DUOX2: variants seen among roughly 807,000 people sequenced by gnomAD.
The protein encoded by DUOX2 is dual oxidase 2.
Under a neutral mutation model 183.3 loss-of-function variants are expected in DUOX2, and 185 were observed. The ratio of observed to expected loss-of-function variants is 1.01; its 90% CI spans 0.90 to 1.14. The LOEUF is 1.14. Among genes scored for constraint, DUOX2 ranks in the 50% most tolerant of loss-of-function variants. The pLI is 0.00. For missense variants in DUOX2, 1,999 were observed against 2,022.9 expected (o/e 0.99, Z 0.23); for synonymous variants, 788 against 812.4 (o/e 0.97, Z 0.51).
At position 45,111,532 on chromosome 15, in the gene DUOX2, G is replaced by A. The variant is rs2467829; in HGVS notation, c.567C>T (p.His189=). ...LDGSAIYGSS[H]SWSDALRSFS... ...AGCTCCGCAGCGCGTCGCTCCAGGAGTGCGAGGAGCCATAGATGGCGCTGC... is the reference window on the plus strand; with the variant it reads ...AGCTCCGCAGCGCGTCGCTCCAGGAATGCGAGGAGCCATAGATGGCGCTGC... The change falls in exon 6 of 34, where the codon CAC becomes CAT. Residue 189 remains histidine, a synonymous_variant. Coordinates refer to ENST00000389039, the MANE Select transcript of DUOX2 (RefSeq NM_001363711.2). 7.6e-4 allele frequency: 1,170 copies of A among 1,548,166 alleles called. 3 individuals are homozygous for A. In the East Asian group the frequency reaches 7.9e-3, roughly 10 times the overall value.
rs1894435866 is a variant in DUOX2, at chr15:45,111,934, A to G, written c.347T>C (p.Val116Ala). ...VFFGYHVLSD[V>A]VSVETPGCPA... is the part of the protein sequence containing the mutation. ...GCAACCGGGCGTTTCCACGCTCACC[A>G]CGTCGGAAAGAACATGGTAGCCTGC... The change falls in exon 5 of 34, where the codon GTG (valine) becomes GCG (alanine). Residue 116 changes from valine to alanine, a missense_variant. Physicochemically the swap from Val to Ala is moderately conservative, Grantham distance 64. Transcript: ENST00000389039. The G allele has an allele frequency of 3.7e-6, 6 of 1,613,612 alleles. No homozygotes were observed. Among genetic ancestry groups the G allele is most frequent in the Non-Finnish European group, 5.1e-6 (6 of 1,179,984 alleles).
At chr15:45,097,428 C>T (rs374409729) in intron 28 of DUOX2, 37 bp from the exon 29 acceptor site, 256 of 1,614,034 alleles carry the variant, frequency 1.6e-4, no homozygotes, top group Non-Finnish European at 1.5e-4. Context: ...TCAGGCCCAG[C>T]CAGGCCCCTG....
intron 7 of DUOX2, among the ~76,000 whole-genome samples, 173 bp from the exon 8 acceptor site, chr15:45,110,883 T>G (rs1174295288): frequency 2.0e-5 from 3 of 151,220 alleles, no homozygotes; most frequent in African/African-American, 7.3e-5. Flanking sequence ...ACCAGGGGAT[T>G]TGAGGGAGTG....
chr15:45,109,552 C>T lies in DUOX2; in HGVS notation c.1206G>A (p.Glu402=), dbSNP rs1238081035. ...TCAGATCTTCAACCACTATGTTGTCCTCCAACTCCGAAATCTGGGAGGCCA... is the reference window on the plus strand; with the variant it reads ...TCAGATCTTCAACCACTATGTTGTCTTCCAACTCCGAAATCTGGGAGGCCA... The part of the protein sequence containing the change: ...LGMASQISEL[E]DNIVVEDLRD... The change falls in exon 11 of 34, where the codon GAG becomes GAA. Residue 402 remains glutamate, a synonymous_variant. Coordinates refer to ENST00000389039, the MANE Select transcript of DUOX2 (RefSeq NM_001363711.2). The T allele has an allele frequency of 1.1e-5, 17 of 1,614,030 alleles. No individual in the cohort carries two copies. Among genetic ancestry groups the T allele is most frequent in the Non-Finnish European group, 1.2e-5 (14 of 1,180,028 alleles).
In DUOX2 at chr15:45,112,427, G is replaced by A. The variant is rs973143225; in HGVS notation, c.325+127C>T. The A allele has an allele frequency of 4.2e-6, 5 of 1,181,696 alleles. No homozygotes were observed. The Admixed American group carries it at 1.1e-4, about 26-fold the overall frequency. The allele number at this position is 1,181,696 out of a possible 1,614,324, so 73.2% of individuals were successfully genotyped here. A position where few individuals can be genotyped will look rare whatever the true frequency, so the allele number is the denominator to read the frequency against. ...TCCGAGATGAAGGCAGTCTCGAAGTGCTGCGTAGAGAGGAAGTGGTTGGGA... is the reference window on the plus strand; with the variant it reads ...TCCGAGATGAAGGCAGTCTCGAAGTACTGCGTAGAGAGGAAGTGGTTGGGA... On this transcript the variant is annotated intron_variant, in intron 4 of 33. Transcript: ENST00000389039.
rs374103492 is a variant in DUOX2, at chr15:45,097,640, G to C, written c.3667C>G (p.His1223Asp). 132 of 1,613,904 alleles carry C rather than the reference G, an allele frequency of 8.2e-5. 1 individual carries two copies. Among genetic ancestry groups the C allele is most frequent in the Admixed American group, 2.0e-4 (12 of 60,006 alleles). ...AGGGCATAGAGCAGGATGTAGAGGT[G>C]GTGGGTCAGCCAGAAGCCCCGGAAG... ...RSFRGFWLTH[H>D]LYILLYALLI... Residue 1223 changes from histidine to aspartate, a missense_variant, in exon 28 of 34, where the codon CAC becomes GAC. This residue lies in a region of DUOX2 where 1,628 missense variants were observed against 1,608.6 expected (regional missense o/e 1.01). Coordinates refer to ENST00000389039, the MANE Select transcript of DUOX2 (RefSeq NM_001363711.2).
rs1893954780 is a variant in DUOX2 at position 45,098,060 on chromosome 15, T to C, written c.3516-2A>G. ...TAGAACTTCTGGGGAAGCTTGGACCTGGGGGGCAAAGGCACCTTGAGCCTC... is the reference window on the plus strand; with the variant it reads ...TAGAACTTCTGGGGAAGCTTGGACCCGGGGGGCAAAGGCACCTTGAGCCTC... On this transcript the variant is annotated splice_acceptor_variant, in intron 26 of 33. Transcript: ENST00000389039. LOFTEE classifies it high-confidence loss of function. 6.2e-7 allele frequency: 1 copy of C among 1,614,064 alleles called. No homozygotes were observed. Among genetic ancestry groups the C allele is most frequent in the Non-Finnish European group, 8.5e-7 (1 of 1,179,952 alleles).
chr15:45,105,965 C>A, intron 17 of DUOX2, 137 bp from the exon 18 acceptor site: 1 of 1,382,210 alleles, frequency 7.2e-7, no homozygotes, highest in South Asian at 1.2e-5. Context: ...GGTGTGTGGA[C>A]GAAGGGGGTC....
intron 32 of DUOX2, 90 bp downstream of exon 32, chr15:45,094,846 G>A: frequency 6.3e-7 from 1 of 1,599,206 alleles, no homozygotes; most frequent in Non-Finnish European, 8.6e-7. Context: ...AGCTCAGCCT[G>A]GCCGTCCACC....
chr15:45,108,697 G>T, intron 12 of DUOX2, 92 bp downstream of exon 12: 1 of 1,344,396 alleles, frequency 7.4e-7, no homozygotes, highest in Non-Finnish European at 1.1e-6. Context: ...ATATTATTAT[G>T]TAGATTAAAT....
At position 45,109,526 on chromosome 15, in the gene DUOX2, C is replaced by T. The variant is rs764353021; in HGVS notation, c.1232G>A (p.Arg411Lys). Residue 411 changes from arginine to lysine, a missense_variant and splice_region_variant, in exon 11 of 34, where the codon AGG becomes AAG. This residue lies in a region of DUOX2 where 1,628 missense variants were observed against 1,608.6 expected (regional missense o/e 1.01). Transcript: ENST00000389039. ...ACCCCTTCTGGCTCTGAGCTCACCC[C>T]TCAGATCTTCAACCACTATGTTGTC... ...LEDNIVVEDLRDYWPGPGKFS... is the reference protein window; with the variant it reads ...LEDNIVVEDLKDYWPGPGKFS... 28 of 1,613,988 alleles carry T rather than the reference C, an allele frequency of 1.7e-5. No individual in the cohort carries two copies. In the East Asian group the frequency reaches 6.0e-4, roughly 35 times the overall value.
intron 26 of DUOX2, among the ~76,000 whole-genome samples, chr15:45,098,390 A>T (rs1021513436): frequency 6.6e-6 from 1 of 152,174 alleles, no homozygotes; most frequent in East Asian, 1.9e-4. Context: ...AGAACAATAC[A>T]AGGCACACAG....
At chr15:45,107,110 G>T in intron 14 of DUOX2, 141 bp from the exon 15 acceptor site, 1 of 1,337,486 alleles carries the variant, frequency 7.5e-7, no homozygotes, top group Admixed American at 2.0e-5. Context: ...CCCTCAAAAA[G>T]TCCCCATTCA....
At chr15:45,100,920 T>C in intron 22 of DUOX2, 82 bp from the exon 23 acceptor site, 2 of 975,152 alleles carry the variant, frequency 2.1e-6, no homozygotes, top group South Asian at 2.7e-5. Flanking sequence ...GGGGTAGAGG[T>C]AGGGAGTGGC....
At chr15:45,099,349 A>G (rs753186902) in intron 26 of DUOX2, 34 bp downstream of exon 26, 130 of 1,591,884 alleles carry the variant, frequency 8.2e-5, no homozygotes, top group East Asian at 3.3e-4. Context: ...GGCCCACCCT[A>G]TGAGTCCCAG....
chr15:45,100,369 G>A, intron 23 of DUOX2, 141 bp from the exon 24 acceptor site: 2 of 746,582 alleles, frequency 2.7e-6, no homozygotes, highest in Non-Finnish European at 4.3e-6. Flanking sequence ...CAATCTGGGG[G>A]CTTCTTCCTC....
At chr15:45,113,506 A>G in intron 1 of DUOX2, 81 bp from the exon 2 acceptor site, 1 of 1,081,206 alleles carries the variant, frequency 9.2e-7, no homozygotes, top group South Asian at 1.3e-5. Flanking sequence ...TCTTGTTCCT[A>G]CAGCTAGTAC....
In DUOX2 at chr15:45,096,069, C is replaced by T. The variant is rs1040889567; in HGVS notation, c.3848-9G>A. On this transcript the variant is annotated splice_polypyrimidine_tract_variant and intron_variant, in intron 29 of 33. Coordinates refer to ENST00000389039, the MANE Select transcript of DUOX2 (RefSeq NM_001363711.2). ...TTGCAGGTAGGTCACTCCTGGAGGT[C>T]ATAGACAGGGAAAAGCACAGATGAG... 2 of 1,611,914 alleles carry T rather than the reference C, an allele frequency of 1.2e-6. No individual in the cohort carries two copies.
chr15:45,113,335 T>A lies in DUOX2; in HGVS notation c.70+7A>T. ...ACACCCCGCCGCTAGAGGAGCCTGA[T>A]ACTTGCCCGATGGACCCAGGGATCC... is the stretch of plus-strand genomic sequence containing the variant. On this transcript the variant is annotated splice_region_variant and intron_variant, in intron 2 of 33. Coordinates refer to ENST00000389039, the MANE Select transcript of DUOX2 (RefSeq NM_001363711.2). 6.4e-7 allele frequency: 1 copy of A among 1,558,606 alleles called. No homozygotes were observed. The highest frequency in any genetic ancestry group is 8.7e-7 in the Non-Finnish European group (1 of 1,150,370).
Sources: gnomAD v4.1 joint callset for allele counts (sites outside exome capture counted in the v4.1 genomes callset) on GRCh38, gnomAD v4.1.1 for gene constraint, gnomAD v4.1.1 regional missense constraint, MANE v1.5 for transcripts, NCBI Gene and HGNC (gene_info 2026-07-23, HGNC 2026-07-21) for gene names.